The following NBPF9 variants were observed in gnomAD, a reference collection of about 807,000 sequenced individuals.
NBPF9 encodes NBPF family member NBPF9.
NBPF9 carries 91 observed loss-of-function variants against 97.8 expected under a neutral mutation model. That is an observed-to-expected ratio of 0.93 (90% CI 0.79 to 1.11). The LOEUF is 1.11. Ranked by LOEUF, NBPF9 falls within the 50% of genes least tolerant of loss-of-function variation. The pLI is 0.00. For synonymous variants in NBPF9, 334 were observed against 359.5 expected (o/e 0.93, Z 0.80); for missense variants, 992 against 939.5 (o/e 1.06, Z -0.73).
At chr1:149,085,384 A>C (rs1171261093) in intron 5 of NBPF9, among the ~76,000 whole-genome samples, 1 of 152,172 alleles carries the variant, frequency 6.6e-6, no homozygotes, top group Non-Finnish European at 1.5e-5. Flanking sequence ...ATCAGGTTTG[A>C]AATCTAGCAG....
intron 5 of NBPF9, among the ~76,000 whole-genome samples, chr1:149,085,731 T>C (rs1326976240): frequency 3.3e-5 from 5 of 151,618 alleles, no homozygotes; most frequent in African/African-American, 7.3e-5. Context: ...TAATTGCTAG[T>C]ATGGAGAAAT....
At position 149,080,372 on chromosome 1, in the gene NBPF9, A is replaced by G. The variant is rs587687156; in HGVS notation, c.176-217T>C. Reference sequence around the variant, plus strand: ...CGAAGAAAGAGAACCTCAAGGGCGCATCAAGGAAGTTGACAAGATGATTCA... The same window carrying G: ...CGAAGAAAGAGAACCTCAAGGGCGCGTCAAGGAAGTTGACAAGATGATTCA... On this transcript the variant is annotated intron_variant, in intron 7 of 29. Coordinates refer to ENST00000584027, the Ensembl canonical transcript of NBPF9. Among the ~76,000 whole-genome samples, 5 of 150,128 alleles carry G rather than the reference A, an allele frequency of 3.3e-5. No homozygotes were observed. In the East Asian group the frequency reaches 1.1e-3, roughly 32 times the overall value.
chr1:149,076,276 C>A (rs1432008181), intron 11 of NBPF9, among the ~76,000 whole-genome samples: 1 of 151,280 alleles, frequency 6.6e-6, no homozygotes. Context: ...CAGCTCACTG[C>A]CACCTCTGCC....
intron 5 of NBPF9, among the ~76,000 whole-genome samples, chr1:149,084,973 G>A (rs1398724193): frequency 6.6e-6 from 1 of 151,922 alleles, no homozygotes; most frequent in Admixed American, 6.6e-5. Flanking sequence ...TCATCAACAA[G>A]TAATGTTATG....
intron 14 of NBPF9, 26 bp downstream of exon 14, chr1:149,072,692 G>T: frequency 1.2e-6 from 2 of 1,611,584 alleles, no homozygotes; most frequent in Non-Finnish European, 1.7e-6. Context: ...GGGGTTTTGG[G>T]TCAACAGGGC....
intron 5 of NBPF9, among the ~76,000 whole-genome samples, chr1:149,086,534 G>T (rs1399969546): frequency 6.6e-6 from 1 of 151,046 alleles, no homozygotes; most frequent in Non-Finnish European, 1.5e-5. Flanking sequence ...CAAGATAAGG[G>T]CCCCCAGCAC....
At chr1:149,095,879 A>C (rs1207076475) in intron 4 of NBPF9, among the ~76,000 whole-genome samples, 481 of 150,346 alleles carry the variant, frequency 3.2e-3, no homozygotes, top group Non-Finnish European at 4.0e-3. Flanking sequence ...TCACTTTGGA[A>C]AACTTAAGTT....
chr1:149,098,473 C>T (rs1420020994), exon 4 of NBPF9: 101 of 1,522,792 alleles, frequency 6.6e-5, no homozygotes, highest in South Asian at 1.7e-4. Context: ...TGGCCCACAC[C>T]GTGTGAGGTT....
chr1:149,055,855 T>G, exon 30 of NBPF9: 1 of 1,606,880 alleles, frequency 6.2e-7, no homozygotes, highest in Admixed American at 1.7e-5. Context: ...CAGTGAGTCC[T>G]GCAAGACTTC....
At chr1:149,079,184 G>T (rs782240668) in exon 9 of NBPF9, 8 of 1,164,258 alleles carry the variant, frequency 6.9e-6, no homozygotes, top group Non-Finnish European at 9.0e-6. Flanking sequence ...AACTGCGTCA[G>T]CTCTCGTTCC....
intron 3 of NBPF9, among the ~76,000 whole-genome samples, chr1:149,100,005 G>A (rs1411784345): frequency 1.4e-5 from 2 of 146,822 alleles, no homozygotes; most frequent in Non-Finnish European, 3.0e-5. Flanking sequence ...AAAATGGTTC[G>A]ATGTAGTCCT....
chr1:149,075,913 C>G (rs1553654204), intron 11 of NBPF9, 49 bp from the exon 12 acceptor site: 14 of 877,860 alleles, frequency 1.6e-5, no homozygotes, highest in Non-Finnish European at 2.3e-5. Flanking sequence ...CTGGTGAAAT[C>G]AAATAGGCTT....
intron 5 of NBPF9, among the ~76,000 whole-genome samples, chr1:149,088,430 T>C (rs1341455966): frequency 6.6e-6 from 1 of 152,266 alleles, no homozygotes; most frequent in Non-Finnish European, 1.5e-5. Context: ...AGCTCTAGTA[T>C]AATGCTGAAT....
At chr1:149,058,762 G>A in intron 26 of NBPF9, 163 bp downstream of exon 26, 2 of 617,704 alleles carry the variant, frequency 3.2e-6, no homozygotes, top group Non-Finnish European at 5.7e-6. Context: ...TCATGTCTAG[G>A]CTTCCAACTG....
chr1:149,072,391 C>A (rs1241474247), intron 14 of NBPF9, among the ~76,000 whole-genome samples: 1 of 152,124 alleles, frequency 6.6e-6, no homozygotes, highest in African/African-American at 2.4e-5. Flanking sequence ...AGCCTGGGAA[C>A]CTTCATTCTT....
exon 30 of NBPF9, chr1:149,055,607 T>A (rs782276932): frequency 1.9e-6 from 3 of 1,610,568 alleles, no homozygotes; most frequent in South Asian, 1.1e-5. Flanking sequence ...TTCACGTGCC[T>A]ATAGGTCCTG....
intron 29 of NBPF9, among the ~76,000 whole-genome samples, 190 bp downstream of exon 29, chr1:149,056,322 C>T (rs1241465239): frequency 1.0e-4 from 12 of 117,396 alleles, no homozygotes; most frequent in Non-Finnish European, 1.8e-4. Flanking sequence ...ACCTATGGTA[C>T]GTTAGGAAAT....
intron 2 of NBPF9, 133 bp from the exon 3 acceptor site, chr1:149,101,512 T>A (rs1489808277): frequency 6.6e-6 from 1 of 151,926 alleles, no homozygotes; most frequent in African/African-American, 2.4e-5. Context: ...AGGACACATA[T>A]CCGGAAAAAA....
chr1:149,077,520 G>A (rs587738235), intron 10 of NBPF9, 101 bp from the exon 11 acceptor site: 5 of 1,503,850 alleles, frequency 3.3e-6, no homozygotes, highest in Non-Finnish European at 4.6e-6. Flanking sequence ...TAAGAGAGTG[G>A]TTCCAGAAAG....
Sources: gnomAD v4.1 joint callset for allele counts (sites outside exome capture counted in the v4.1 genomes callset) on GRCh38, gnomAD v4.1.1 for gene constraint, MANE v1.5 for transcripts, NCBI Gene and HGNC (gene_info 2026-07-23, HGNC 2026-07-21) for gene names.